The following OR2B11 variants were observed in gnomAD, a reference collection of about 807,000 sequenced individuals.
The protein encoded by OR2B11 is olfactory receptor family 2 subfamily B member 11, also known as olfactory receptor 2B11.
For synonymous variants in OR2B11, 198 were observed against 174.5 expected, an observed-to-expected ratio of 1.13 and a Z score of -1.06; for missense variants, 422 against 400.0, an observed-to-expected ratio of 1.05 and a Z score of -0.47.
Position 247,454,316 on chromosome 1 carries a change from A to T in OR2B11, c.-2334T>A, listed in dbSNP as rs1664915110. The stretch of plus-strand genomic sequence containing the variant: ...AGGTGTTTCCACACGGAGCTTTCGT[A>T]GGTGTCTAGCCTCTGCACTCCTTGA... On this transcript the variant is annotated 5_prime_UTR_variant, in exon 2 of 2. Coordinates refer to ENST00000641149, the MANE Select transcript of OR2B11 (RefSeq NM_001004492.2). 6.6e-6 allele frequency: 1 copy of T among 152,414 alleles called. No individual in the cohort carries two copies. The highest frequency in any genetic ancestry group is 6.5e-5 in the Admixed American group (1 of 15,274). 9.4% of individuals were successfully genotyped at this position (152,414 alleles called of 1,614,324 possible).
rs1281569206 is a variant in OR2B11 at position 247,451,250 on chromosome 1, A to G, written c.733T>C (p.Cys245Arg). 9 of 1,608,552 alleles carry G rather than the reference A, an allele frequency of 5.6e-6. No individual in the cohort carries two copies. In the Admixed American group the frequency reaches 1.5e-4, roughly 27 times the overall value. Residue 245 changes from cysteine (C) to arginine (R), a missense_variant, in exon 2 of 2, where the codon TGT (cysteine) becomes CGT (arginine). Coordinates refer to ENST00000641149, the MANE Select transcript of OR2B11 (RefSeq NM_001004492.2). The part of the protein sequence containing the change: ...SKGRHKAFGT[C>R]SSHLMIVSLF... ...GAGACGATCATCAGGTGGGAGGAACACGTCCCAAAGGCCTTGTGTCGTCCC... is the reference window on the plus strand; with the variant it reads ...GAGACGATCATCAGGTGGGAGGAACGCGTCCCAAAGGCCTTGTGTCGTCCC...
intron 1 of OR2B11, 59 bp from the exon 2 acceptor site, chr1:247,455,123 C>T (rs1360548522): frequency 6.6e-6 from 1 of 152,104 alleles, no homozygotes; most frequent in Admixed American, 6.5e-5. Context: ...TATCATCTAC[C>T]TCTTATCCCT....
At position 247,449,572 on chromosome 1, in the gene OR2B11, G is replaced by A. The variant is rs775939856; in HGVS notation, c.*1457C>T. 2.0e-5 allele frequency: 3 copies of A among 152,144 alleles called. No homozygotes were observed. Among genetic ancestry groups the A allele is most frequent in the Non-Finnish European group, 4.4e-5 (3 of 68,032 alleles). The allele number at this position is 152,144 out of a possible 1,614,324, so 9.4% of individuals were successfully genotyped here. A position where few individuals can be genotyped will look rare whatever the true frequency, so the allele number is the denominator to read the frequency against. ...GTAGCCACACTTTGCTACTCAAAGT[G>A]TAGTCTATGAACTGTCGATATAAGG... On this transcript the variant is annotated 3_prime_UTR_variant, in exon 2 of 2. Transcript: ENST00000641149.
At position 247,451,631 on chromosome 1, in the gene OR2B11, C is replaced by G. The variant is rs763009869; in HGVS notation, c.352G>C (p.Val118Leu). The G allele has an allele frequency of 8.7e-6, 14 of 1,613,874 alleles. No homozygotes were observed. The highest frequency in any genetic ancestry group is 5.3e-5 in the African/African-American group (4 of 74,930). ...CGGTCCAGGGCCATGGCGGCCAGGA[C>G]GATGCACTCCGTGCATCCCAGCCAG... ...FHWLGCTECIVLAAMALDRYV... is the reference protein window; with the variant it reads ...FHWLGCTECILLAAMALDRYV... The change falls in exon 2 of 2, where the codon GTC becomes CTC. Residue 118 changes from valine (V) to leucine (L), a missense_variant. Physicochemically the swap from Val to Leu is conservative, Grantham distance 32. Transcript: ENST00000641149.
At chr1:247,455,846 C>T (rs1664955617) in intron 1 of OR2B11, among the ~76,000 whole-genome samples, 3 of 152,160 alleles carry the variant, frequency 2.0e-5, no homozygotes, top group South Asian at 2.1e-4. Flanking sequence ...CAGGACAGCC[C>T]GGTTTCTTTC....
chr1:247,453,277 G>A lies in OR2B11; in HGVS notation c.-1295C>T, dbSNP rs10925032. On this transcript the variant is annotated 5_prime_UTR_variant, in exon 2 of 2. Coordinates refer to ENST00000641149, the MANE Select transcript of OR2B11 (RefSeq NM_001004492.2). Reference sequence around the variant, plus strand: ...GGTGTTCCCTGCTGCCCCAGTTGATGTTCTGAAGAACTCTACTGTTACTGG... The same window carrying A: ...GGTGTTCCCTGCTGCCCCAGTTGATATTCTGAAGAACTCTACTGTTACTGG... The A allele has an allele frequency of 0.85, 130,063 of 152,126 alleles. 56,222 individuals carry two copies. The highest frequency in any genetic ancestry group is 1 in the East Asian group (5,176 of 5,186). 9.4% of individuals were successfully genotyped at this position (152,126 alleles called of 1,614,324 possible).
chr1:247,451,923 A>T lies in OR2B11; in HGVS notation c.60T>A (p.Gly20=), dbSNP rs1572244782. The T allele has an allele frequency of 1.9e-6, 3 of 1,612,906 alleles. No individual in the cohort carries two copies. In the East Asian group the frequency reaches 6.7e-5, roughly 36 times the overall value. ...GDSPKAFILL[G]VSDRPWLELP... ...GTTCCAGCCACGGCCTGTCAGACAC[A>T]CCCAGAAGGATGAAGGCTTTAGGGG... Residue 20 remains glycine (G), a synonymous_variant, in exon 2 of 2, where the codon GGT becomes GGA. Transcript: ENST00000641149.
Position 247,449,621 on chromosome 1 carries a change from A to G in OR2B11, c.*1408T>C, listed in dbSNP as rs1369923555. 2.0e-5 allele frequency: 3 copies of G among 152,072 alleles called. No individual in the cohort carries two copies. The highest frequency in any genetic ancestry group is 4.4e-5 in the Non-Finnish European group (3 of 68,018). The allele number at this position is 152,072 out of a possible 1,614,324, so 9.4% of individuals were successfully genotyped here. A position where few individuals can be genotyped will look rare whatever the true frequency, so the allele number is the denominator to read the frequency against. ...GGAGCTTGTATAAGAATGTAAAACA[A>G]TCACATTATTAAACATACCTTTTAG... On this transcript the variant is annotated 3_prime_UTR_variant, in exon 2 of 2. Coordinates refer to ENST00000641149, the MANE Select transcript of OR2B11 (RefSeq NM_001004492.2).
rs771243297 is a variant in OR2B11 at position 247,451,028 on chromosome 1, A to G, written c.*1T>C. 11 of 1,471,160 alleles carry G rather than the reference A, an allele frequency of 7.5e-6. No individual in the cohort carries two copies. In the South Asian group the frequency reaches 1.3e-4, roughly 18 times the overall value. 91.1% of individuals were successfully genotyped at this position (1,471,160 alleles called of 1,614,324 possible). On this transcript the variant is annotated 3_prime_UTR_variant, in exon 2 of 2. Coordinates refer to ENST00000641149, the MANE Select transcript of OR2B11 (RefSeq NM_001004492.2). ...TGGAGATGCTACATCTCATGTCCTC[A>G]TCATCCACAGAGCCTCCAGATCCTG... is the stretch of plus-strand genomic sequence containing the variant.
At chr1:247,456,693 G>A (rs1664971173) in intron 1 of OR2B11, among the ~76,000 whole-genome samples, 1 of 151,472 alleles carries the variant, frequency 6.6e-6, no homozygotes, top group Admixed American at 6.6e-5. Flanking sequence ...CACGTGCCAT[G>A]GTTGTTTGCT....
rs1664862077 is a variant in OR2B11 at position 247,452,078 on chromosome 1, A to G, written c.-96T>C. On this transcript the variant is annotated 5_prime_UTR_variant, in exon 2 of 2. Coordinates refer to ENST00000641149, the MANE Select transcript of OR2B11 (RefSeq NM_001004492.2). The stretch of plus-strand genomic sequence containing the variant: ...GATCACTTTCCTCCCTCTTGCATCC[A>G]CTCTTCCTTTCCCAGGTGATAGCCT... The G allele has an allele frequency of 4.1e-6, 3 of 739,634 alleles. No homozygotes were observed. Among genetic ancestry groups the G allele is most frequent in the Middle Eastern group, 4.7e-4 (2 of 4,218 alleles). 45.8% of individuals were successfully genotyped at this position (739,634 alleles called of 1,614,324 possible). A position where few individuals can be genotyped will look rare whatever the true frequency, so the allele number is the denominator to read the frequency against.
At position 247,453,125 on chromosome 1, in the gene OR2B11, T is replaced by A. The variant is rs926162767; in HGVS notation, c.-1143A>T. The stretch of plus-strand genomic sequence containing the variant: ...AAAAATATTATTAATAAACAATAAT[T>A]AATTAATCATTATTCATAATAAATC... On this transcript the variant is annotated 5_prime_UTR_variant, in exon 2 of 2. An upstream open reading frame in the 5' UTR loses its in-frame stop. Coordinates refer to ENST00000641149, the MANE Select transcript of OR2B11 (RefSeq NM_001004492.2). 3 of 152,214 alleles carry A rather than the reference T, an allele frequency of 2.0e-5. No homozygotes were observed. Among genetic ancestry groups the A allele is most frequent in the Middle Eastern group, 3.2e-3 (1 of 316 alleles). The allele number at this position is 152,214 out of a possible 1,614,324, so 9.4% of individuals were successfully genotyped here. A position where few individuals can be genotyped will look rare whatever the true frequency, so the allele number is the denominator to read the frequency against.
chr1:247,455,443 A>G (rs1664947809), intron 1 of OR2B11, among the ~76,000 whole-genome samples: 2 of 152,164 alleles, frequency 1.3e-5, no homozygotes, highest in African/African-American at 4.8e-5. Flanking sequence ...TGATAGCAGT[A>G]TTTTCCTGAA....
chr1:247,457,021 G>T (rs576343568), intron 1 of OR2B11, among the ~76,000 whole-genome samples: 4 of 149,266 alleles, frequency 2.7e-5, no homozygotes, highest in Non-Finnish European at 5.9e-5. Flanking sequence ...TGCTGGGGAC[G>T]AAGGGAAGAG....
At chr1:247,455,771 G>C (rs1293289403) in intron 1 of OR2B11, among the ~76,000 whole-genome samples, 1 of 152,070 alleles carries the variant, frequency 6.6e-6, no homozygotes, top group Non-Finnish European at 1.5e-5. Context: ...CCTCCTGCTG[G>C]GAATAGCAGG....
Position 247,451,212 on chromosome 1 carries a change from T to C in OR2B11, c.771A>G (p.Leu257=), listed in dbSNP as rs763722180. 1.3e-6 allele frequency: 2 copies of C among 1,587,812 alleles called. No individual in the cohort carries two copies. The change falls in exon 2 of 2, where the codon CTA becomes CTG. Residue 257 remains leucine (L), a synonymous_variant. Transcript: ENST00000641149. ...GCTGCAGATACATGTAAATCGCAGG[T>C]AGGTAGAAGAGGGAGACGATCATCA... ...SHLMIVSLFY[L]PAIYMYLQPP...
rs1419129522 is a variant in OR2B11 at position 247,457,660 on chromosome 1, C to T, written c.-3104G>A. 2.6e-5 allele frequency: 4 copies of T among 152,264 alleles called. No individual in the cohort carries two copies. The highest frequency in any genetic ancestry group is 4.4e-5 in the Non-Finnish European group (3 of 68,110). The allele number at this position is 152,264 out of a possible 1,614,324, so 9.4% of individuals were successfully genotyped here. Reference sequence around the variant, plus strand: ...TCACCTCCAGGGTTCCTGGCTCCTACAGAAGACTTGCTTTAGGACTGAAGG... The same window carrying T: ...TCACCTCCAGGGTTCCTGGCTCCTATAGAAGACTTGCTTTAGGACTGAAGG... On this transcript the variant is annotated 5_prime_UTR_variant, in exon 1 of 2. Transcript: ENST00000641149.
At chr1:247,455,110 C>G (rs777783479) in intron 1 of OR2B11, 46 bp from the exon 2 acceptor site, 4 of 152,114 alleles carry the variant, frequency 2.6e-5, no homozygotes, top group Non-Finnish European at 2.9e-5. Context: ...ATCTCTATAT[C>G]TATATCATCT....
chr1:247,452,119 C>T lies in OR2B11; in HGVS notation c.-137G>A, dbSNP rs549739416. ...GTGATAGCCTGTTTGATTCTCCTTA[C>T]CTCTGTGGAGACGCTGGGATGCGGA... On this transcript the variant is annotated 5_prime_UTR_variant, in exon 2 of 2. Transcript: ENST00000641149. 6.3e-6 allele frequency: 4 copies of T among 634,634 alleles called. No individual in the cohort carries two copies. In the South Asian group the frequency reaches 7.8e-5, roughly 12 times the overall value. The allele number at this position is 634,634 out of a possible 1,614,324, so 39.3% of individuals were successfully genotyped here. A position where few individuals can be genotyped will look rare whatever the true frequency, so the allele number is the denominator to read the frequency against.
Sources: allele counts gnomAD v4.1 joint callset (sites outside exome capture counted in the v4.1 genomes callset), GRCh38; gene constraint gnomAD v4.1.1; transcripts MANE v1.5; gene names NCBI Gene and HGNC (gene_info 2026-07-23, HGNC 2026-07-21).